Variants in QSER1 observed in about 807,000 individuals in gnomAD.
QSER1 encodes the protein glutamine and serine-rich protein 1.
In QSER1, 49 loss-of-function variants were observed where a neutral mutation model predicts 158.5. The ratio of observed to expected loss-of-function variants is 0.31; its 90% CI spans 0.25 to 0.39. The LOEUF (loss-of-function observed/expected upper bound fraction) is 0.39, where lower values mean the gene tolerates loss of function less well. Ranked by LOEUF, QSER1 falls within the 10% of genes least tolerant of loss-of-function variation. The pLI is 1.00. For missense variants in QSER1, 1,754 were observed against 2,010.3 expected, an observed-to-expected ratio of 0.87 and a Z score of 2.44; for synonymous variants, 650 against 715.5, an observed-to-expected ratio of 0.91 and a Z score of 1.46.
In QSER1 at chr11:32,932,544, T is replaced by TA; in HGVS notation, c.1288dup (p.Ile430AsnfsTer15). On this transcript the variant is annotated frameshift_variant, in exon 4 of 13. Coordinates refer to ENST00000650167, the MANE Select transcript of QSER1 (RefSeq NM_001076786.3). LOFTEE classifies it high-confidence loss of function. Reference sequence around the variant, plus strand: ...ACCAAGACCCCTAAACCTCAAAGTATAATTCCTCCTGTGCAAACACTAAGC... The same window carrying TA: ...ACCAAGACCCCTAAACCTCAAAGTATAAATTCCTCCTGTGCAAACACTAAGC... 6.2e-7 allele frequency: 1 copy of TA among 1,614,150 alleles called. No homozygotes were observed. Among genetic ancestry groups the TA allele is most frequent in the Non-Finnish European group, 8.5e-7 (1 of 1,180,002 alleles).
intron 1 of QSER1, among the ~76,000 whole-genome samples, chr11:32,897,716 ACT>A (rs1336903459): frequency 6.6e-6 from 1 of 152,020 alleles, no homozygotes; most frequent in Non-Finnish European, 1.5e-5. Flanking sequence ...ATTTGAGCAG[ACT>A]CTTCTCAGGA....
intron 4 of QSER1, among the ~76,000 whole-genome samples, chr11:32,943,215 T>A (rs972517819): frequency 2.0e-5 from 3 of 152,232 alleles, no homozygotes; most frequent in Admixed American, 2.0e-4. Flanking sequence ...CCTAATTCAA[T>A]ACCCTTTATT....
Position 32,975,719 on chromosome 11 carries a change from T to A in QSER1, c.5454+376T>A, listed in dbSNP as rs554132557. The A allele has an allele frequency of 1.4e-5, 14 of 1,002,470 alleles. No homozygotes were observed. The East Asian group carries it at 9.3e-4, about 66-fold the overall frequency. The allele number at this position is 1,002,470 out of a possible 1,614,324, so 62.1% of individuals were successfully genotyped here. On this transcript the variant is annotated intron_variant, in intron 12 of 12. Transcript: ENST00000650167. ...TCACTGCCTTACTTATTACTTAGAA[T>A]GGCCTTATCCCACTTAATTGCAGAG...
intron 1 of QSER1, among the ~76,000 whole-genome samples, chr11:32,905,274 A>T (rs771557963): frequency 6.6e-6 from 1 of 152,254 alleles, no homozygotes; most frequent in Non-Finnish European, 1.5e-5. Flanking sequence ...TGAAGCAAAC[A>T]CAAATATGTG....
In QSER1 at chr11:32,933,240, C is replaced by T. The variant is rs1852082188; in HGVS notation, c.1982C>T (p.Thr661Ile). ...SSFASSTHCQ[T>I]LQNNITSPDP... ...TTTGCATCCTCTACTCATTGTCAGA[C>T]ATTACAAAATAACATAACTTCCCCT... The change falls in exon 4 of 13, where the codon ACA becomes ATA. Residue 661 changes from threonine to isoleucine, a missense_variant. By Grantham distance (89) the Thr-to-Ile change is moderately conservative. Transcript: ENST00000650167. 3 of 1,613,778 alleles carry T rather than the reference C, an allele frequency of 1.9e-6. No individual in the cohort carries two copies. Among genetic ancestry groups the T allele is most frequent in the East Asian group, 2.2e-5 (1 of 44,884 alleles).
chr11:32,967,327 G>T (rs893148354), intron 9 of QSER1, among the ~76,000 whole-genome samples: 2 of 152,076 alleles, frequency 1.3e-5, no homozygotes, highest in Admixed American at 1.3e-4. Flanking sequence ...CTCAGAAGGG[G>T]AGAGGGTGAG....
At chr11:32,973,370 C>G (rs1375361136) in intron 10 of QSER1, 27 bp from the exon 11 acceptor site, 1 of 1,610,804 alleles carries the variant, frequency 6.2e-7, no homozygotes, top group African/African-American at 1.3e-5. Flanking sequence ...CTTCTGGTGT[C>G]AGTTATTTTG....
At chr11:32,896,831 C>A (rs1851561999) in intron 1 of QSER1, among the ~76,000 whole-genome samples, 1 of 152,030 alleles carries the variant, frequency 6.6e-6, no homozygotes, top group African/African-American at 2.4e-5. Context: ...CTTCTAAAAC[C>A]TGTCAGTTTC....
intron 1 of QSER1, among the ~76,000 whole-genome samples, chr11:32,924,458 A>G (rs999403798): frequency 6.6e-6 from 1 of 151,048 alleles, no homozygotes; most frequent in African/African-American, 2.4e-5. Flanking sequence ...TACTCGAGAG[A>G]CTGAGGTGAG....
At chr11:32,897,861 C>T (rs1209108869) in intron 1 of QSER1, among the ~76,000 whole-genome samples, 1 of 152,218 alleles carries the variant, frequency 6.6e-6, no homozygotes, top group Non-Finnish European at 1.5e-5. Flanking sequence ...AGTCATACCT[C>T]TGTCCACTTA....
chr11:32,968,113 A>AG (rs1301947547), intron 9 of QSER1, among the ~76,000 whole-genome samples: 1 of 152,172 alleles, frequency 6.6e-6, no homozygotes, highest in African/African-American at 2.4e-5. Context: ...ATTTTTCTCT[A>AG]AGGGGAGAAA....
chr11:32,929,268 C>A (rs1484935144), intron 3 of QSER1, among the ~76,000 whole-genome samples: 1 of 152,010 alleles, frequency 6.6e-6, no homozygotes, highest in Admixed American at 6.6e-5. Context: ...TGCACCACCA[C>A]GCCCAGCTAA....
At chr11:32,924,487 G>A (rs1851941175) in intron 1 of QSER1, among the ~76,000 whole-genome samples, 1 of 150,036 alleles carries the variant, frequency 6.7e-6, no homozygotes, top group South Asian at 2.1e-4. Flanking sequence ...CTGAGCCCGG[G>A]AAGTGGAGGC....
intron 4 of QSER1, among the ~76,000 whole-genome samples, chr11:32,952,313 TTTTATCATAAAAG>T (rs1235393317): frequency 2.6e-5 from 4 of 152,228 alleles, no homozygotes; most frequent in African/African-American, 9.6e-5. Context: ...TGTTGAATGT[TTTTATCATAAAAG>T]GGCATTACAT....
At chr11:32,958,781 G>A (rs189069033) in intron 8 of QSER1, among the ~76,000 whole-genome samples, 72 of 152,226 alleles carry the variant, frequency 4.7e-4, no homozygotes, top group Non-Finnish European at 5.1e-4. Flanking sequence ...ATTTAATAAC[G>A]TATGCCACTA....
intron 8 of QSER1, among the ~76,000 whole-genome samples, chr11:32,960,328 G>C (rs1234367300): frequency 6.6e-6 from 1 of 152,164 alleles, no homozygotes; most frequent in Non-Finnish European, 1.5e-5. Context: ...AGGCTGAGGA[G>C]GGTGGATCGC....
chr11:32,902,403 A>C (rs1438402463), intron 1 of QSER1, among the ~76,000 whole-genome samples: 1 of 152,160 alleles, frequency 6.6e-6, no homozygotes, highest in African/African-American at 2.4e-5. Flanking sequence ...TGCATTTCTA[A>C]CAAGTTTGTA....
intron 4 of QSER1, among the ~76,000 whole-genome samples, chr11:32,943,606 C>T (rs1852276989): frequency 1.3e-5 from 2 of 150,646 alleles, no homozygotes; most frequent in Non-Finnish European, 3.0e-5. Context: ...GGTGGATAAG[C>T]TTTTTGATAT....
At chr11:32,902,948 A>G (rs891541188) in intron 1 of QSER1, among the ~76,000 whole-genome samples, 2 of 152,258 alleles carry the variant, frequency 1.3e-5, no homozygotes, top group Non-Finnish European at 2.9e-5. Flanking sequence ...ATTTGAACCC[A>G]GGAGGTGTAA....
Sources: gnomAD v4.1 joint callset for allele counts (sites outside exome capture counted in the v4.1 genomes callset) on GRCh38, gnomAD v4.1.1 for gene constraint, MANE v1.5 for transcripts, NCBI Gene and HGNC (gene_info 2026-07-23, HGNC 2026-07-21) for gene names.